The following XIRP2 variants were observed in gnomAD, a reference collection of about 807,000 sequenced individuals.
XIRP2 encodes xin actin-binding repeat-containing protein 2.
XIRP2 carries 236 observed loss-of-function variants against 277.0 expected under a neutral mutation model. That is an observed-to-expected ratio of 0.85 (90% CI 0.77 to 0.95). XIRP2 has a LOEUF of 0.95. Ranked by LOEUF, XIRP2 falls within the 40% of genes least tolerant of loss-of-function variation. The probability of loss-of-function intolerance (pLI) is 0.00; values close to 1 mark genes in which losing one functional copy is unlikely to be tolerated. For missense variants in XIRP2, 4,640 were observed against 4,157.5 expected (o/e 1.12, Z -3.19); for synonymous variants, 1,490 against 1,416.5 (o/e 1.05, Z -1.17).
Position 167,244,611 on chromosome 2 carries a change from G to A in XIRP2, c.3219G>A (p.Val1073=), listed in dbSNP as rs1695186398. The part of the protein sequence containing the change: ...PLDSIKYFSD[V]EETESKTEQT... ...ATTCAATTAAATATTTTAGTGATGT[G>A]GAAGAAACAGAAAGTAAAACTGAAC... The change falls in exon 9 of 11, where the codon GTG becomes GTA. Residue 1073 remains valine (V), a synonymous_variant. Transcript: ENST00000409195. 2 of 1,612,680 alleles carry A rather than the reference G, an allele frequency of 1.2e-6. No homozygotes were observed.
chr2:166,998,948 C>T (rs6757476), intron 2 of XIRP2, among the ~76,000 whole-genome samples: 14,785 of 152,004 alleles, frequency 0.097, 1,186 homozygotes, highest in East Asian at 0.38. Context: ...CAACTGAAAA[C>T]TTAAAATATT....
chr2:167,115,912 T>C (rs147502262), intron 2 of XIRP2, among the ~76,000 whole-genome samples: 2 of 152,312 alleles, frequency 1.3e-5, no homozygotes, highest in Admixed American at 6.5e-5. Flanking sequence ...AGAAGTGTAT[T>C]GTTTAAGTTT....
At chr2:166,986,469 G>T (rs1454213596) in intron 2 of XIRP2, among the ~76,000 whole-genome samples, 11 of 152,186 alleles carry the variant, frequency 7.2e-5, no homozygotes. Context: ...GACATTCATT[G>T]TGTTGCTAGC....
chr2:167,018,395 A>G lies in XIRP2; in HGVS notation c.408+114505A>G, dbSNP rs527782129. Reference sequence around the variant, plus strand: ...AGCAGACATCAAAACAGGATTGGTTATGAAAAAGGCATTCTGGGAAAAACA... The same window carrying G: ...AGCAGACATCAAAACAGGATTGGTTGTGAAAAAGGCATTCTGGGAAAAACA... On this transcript the variant is annotated intron_variant, in intron 2 of 10. Coordinates refer to ENST00000409195, the MANE Select transcript of XIRP2 (RefSeq NM_152381.6). Among the ~76,000 whole-genome samples the G allele has an allele frequency of 2.0e-5, 3 of 152,154 alleles. 1 individual carries two copies. Among genetic ancestry groups the G allele is most frequent in the African/African-American group, 7.2e-5 (3 of 41,546 alleles).
chr2:166,951,778 T>C (rs1207016310), intron 2 of XIRP2, among the ~76,000 whole-genome samples: 2 of 152,010 alleles, frequency 1.3e-5, no homozygotes, highest in Non-Finnish European at 2.9e-5. Context: ...TCTGCAATCT[T>C]TACCCATGAA....
chr2:167,073,443 T>C (rs1689485147), intron 2 of XIRP2, among the ~76,000 whole-genome samples: 1 of 152,158 alleles, frequency 6.6e-6, no homozygotes, highest in Non-Finnish European at 1.5e-5. Flanking sequence ...AAGAAAATCC[T>C]ATGGTACACT....
intron 3 of XIRP2, among the ~76,000 whole-genome samples, chr2:167,160,484 G>T (rs573603879): frequency 6.6e-6 from 1 of 152,290 alleles, no homozygotes; most frequent in South Asian, 2.1e-4. Context: ...AGTCCCATGT[G>T]GTGGGGGAAG....
At chr2:166,965,336 A>T (rs754415036) in intron 2 of XIRP2, among the ~76,000 whole-genome samples, 1 of 151,840 alleles carries the variant, frequency 6.6e-6, no homozygotes, top group African/African-American at 2.4e-5. Context: ...ATCAGTCCTT[A>T]CTTTCTAGTG....
At chr2:167,257,815 C>G (rs1327828942) in intron 10 of XIRP2, 42 bp from the exon 11 acceptor site, 10 of 1,534,192 alleles carry the variant, frequency 6.5e-6, no homozygotes, top group Non-Finnish European at 8.7e-6. Flanking sequence ...TATGAACTTA[C>G]AGTAAATACG....
intron 5 of XIRP2, among the ~76,000 whole-genome samples, chr2:167,224,236 C>A (rs533886588): frequency 6.6e-6 from 1 of 151,788 alleles, no homozygotes; most frequent in African/African-American, 2.4e-5. Flanking sequence ...AAGGCAAATA[C>A]ATTTTTTGAT....
chr2:167,224,088 A>G (rs1395203977), intron 5 of XIRP2, among the ~76,000 whole-genome samples: 1 of 152,172 alleles, frequency 6.6e-6, no homozygotes, highest in Non-Finnish European at 1.5e-5. Context: ...TGTGGCAGAA[A>G]GTGAGAGGGT....
chr2:167,201,262 GA>G (rs1693703525), intron 3 of XIRP2, among the ~76,000 whole-genome samples: 1 of 95,648 alleles, frequency 1.0e-5, no homozygotes, highest in Non-Finnish European at 1.8e-5. Flanking sequence ...AAGAAAGAAA[GA>G]GAGAGGGAGA....
At chr2:167,131,526 C>T (rs1443832192) in intron 2 of XIRP2, among the ~76,000 whole-genome samples, 1 of 152,158 alleles carries the variant, frequency 6.6e-6, no homozygotes. Flanking sequence ...TCCAAGGAAG[C>T]AATTTTGCTC....
At chr2:167,163,082 A>G (rs1692417665) in intron 3 of XIRP2, among the ~76,000 whole-genome samples, 1 of 152,110 alleles carries the variant, frequency 6.6e-6, no homozygotes, top group African/African-American at 2.4e-5. Context: ...TATCTTCTTT[A>G]TGGACAGCTA....
chr2:167,031,997 A>G (rs1010510987), intron 2 of XIRP2, among the ~76,000 whole-genome samples: 1 of 152,098 alleles, frequency 6.6e-6, no homozygotes, highest in African/African-American at 2.4e-5. Flanking sequence ...TATAGCCAAG[A>G]CAATCCTAAG....
At chr2:167,018,503 A>G (rs1687894276) in intron 2 of XIRP2, among the ~76,000 whole-genome samples, 1 of 152,026 alleles carries the variant, frequency 6.6e-6, no homozygotes, top group Non-Finnish European at 1.5e-5. Context: ...ATCCAAGAAA[A>G]GAAAGGGGAC....
At chr2:167,230,714 C>T (rs550932071) in intron 5 of XIRP2, among the ~76,000 whole-genome samples, 3 of 152,036 alleles carry the variant, frequency 2.0e-5, no homozygotes, top group Non-Finnish European at 2.9e-5. Flanking sequence ...AGAATGCTAG[C>T]ACGGAAGAGC....
chr2:167,246,357 G>T lies in XIRP2; in HGVS notation c.4965G>T (p.Val1655=). Reference sequence around the variant, plus strand: ...TTCATGCTGAAAAAGAAGAGATAGTGAAAGGTGATGTACAACAAGCAATAA... The same window carrying T: ...TTCATGCTGAAAAAGAAGAGATAGTTAAAGGTGATGTACAACAAGCAATAA... ...TEFHAEKEEI[V]KGDVQQAIKN... Residue 1655 remains valine (V), a synonymous_variant, in exon 9 of 11, where the codon GTG becomes GTT. Coordinates refer to ENST00000409195, the MANE Select transcript of XIRP2 (RefSeq NM_152381.6). 6.2e-7 allele frequency: 1 copy of T among 1,613,030 alleles called. No homozygotes were observed. The highest frequency in any genetic ancestry group is 8.5e-7 in the Non-Finnish European group (1 of 1,179,584).
At chr2:167,078,837 CAAAAA>C (rs71031277) in intron 2 of XIRP2, among the ~76,000 whole-genome samples, 6 of 127,216 alleles carry the variant, frequency 4.7e-5, no homozygotes, top group Non-Finnish European at 5.0e-5. Context: ...GACTCCGTCT[CAAAAA>C]AAAAAAAAAA....
Sources: allele counts gnomAD v4.1 joint callset (sites outside exome capture counted in the v4.1 genomes callset), GRCh38; gene constraint gnomAD v4.1.1; transcripts MANE v1.5; gene names NCBI Gene and HGNC (gene_info 2026-07-23, HGNC 2026-07-21).